Variants in MICOS10 observed in about 807,000 individuals in gnomAD.
MICOS10 encodes the protein MICOS complex subunit MIC10.
A neutral mutation model predicts 13.4 loss-of-function variants in MICOS10; 5 were observed. That is an observed-to-expected ratio of 0.37 (90% CI 0.20 to 0.78). The LOEUF is 0.78. Ranked by LOEUF, MICOS10 falls within the 30% of genes least tolerant of loss-of-function variation. The probability of loss-of-function intolerance (pLI) is 0.47; values close to 1 mark genes in which losing one functional copy is unlikely to be tolerated. For missense variants in MICOS10, 101 were observed against 94.6 expected (o/e 1.07, Z -0.28); for synonymous variants, 35 against 33.6 (o/e 1.04, Z -0.15).
chr1:19,604,380 G>C (rs1268077927), intron 1 of MICOS10, among the ~76,000 whole-genome samples: 1 of 152,084 alleles, frequency 6.6e-6, no homozygotes, highest in Non-Finnish European at 1.5e-5. Context: ...GTGGTGGTAC[G>C]CACCTGTAGT....
intron 1 of MICOS10, chr1:19,608,706 C>A: frequency 1.8e-6 from 1 of 568,702 alleles, no homozygotes; most frequent in Non-Finnish European, 3.1e-6. Context: ...AAGCAAGTTT[C>A]AAAGAAAACT....
In MICOS10 at chr1:19,609,398, A is replaced by G. The variant is rs1305094742; in HGVS notation, c.64+12289A>G. Among the ~76,000 whole-genome samples the G allele has an allele frequency of 3.9e-5, 6 of 152,214 alleles. No individual in the cohort carries two copies. In the East Asian group the frequency reaches 9.6e-4, roughly 24 times the overall value. ...GGGACTCTTATACACCGTTCATTGGAATGGGAAATGGTAGAACCACTTTGG... is the reference window on the plus strand; with the variant it reads ...GGGACTCTTATACACCGTTCATTGGGATGGGAAATGGTAGAACCACTTTGG... On this transcript the variant is annotated intron_variant, in intron 1 of 3. Transcript: ENST00000322753.
Position 19,597,041 on chromosome 1 carries a change from G to A in MICOS10, c.-5G>A. 1.9e-6 allele frequency: 3 copies of A among 1,583,312 alleles called. No homozygotes were observed. The highest frequency in any genetic ancestry group is 4.8e-5 in the East Asian group (2 of 41,530). On this transcript the variant is annotated 5_prime_UTR_variant, in exon 1 of 4. Coordinates refer to ENST00000322753, the MANE Select transcript of MICOS10 (RefSeq NM_001032363.4). Reference sequence around the variant, plus strand: ...AGAGGAAAGCTGGAGGCGCGGGTGGGGAACATGTCTGAGTCGGAGCTCGGC... The same window carrying A: ...AGAGGAAAGCTGGAGGCGCGGGTGGAGAACATGTCTGAGTCGGAGCTCGGC...
chr1:19,621,186 G>A (rs1286909676), intron 1 of MICOS10, among the ~76,000 whole-genome samples: 1 of 152,194 alleles, frequency 6.6e-6, no homozygotes, highest in Non-Finnish European at 1.5e-5. Flanking sequence ...AGGAATATCA[G>A]TATCAATGGC....
chr1:19,618,283 TTTA>T lies in MICOS10; in HGVS notation c.65-3799_65-3797del, dbSNP rs142653409. 4.0e-5 allele frequency among the ~76,000 whole-genome samples: 6 copies of T among 150,670 alleles called. 2 individuals carry two copies. The highest frequency in any genetic ancestry group is 3.9e-4 in the East Asian group (2 of 5,170). On this transcript the variant is annotated intron_variant, in intron 1 of 3. Coordinates refer to ENST00000322753, the MANE Select transcript of MICOS10 (RefSeq NM_001032363.4). ...ATCATGCCTGGCTGATTTTTATTTA[TTTA>T]TTATTATTATTATTATTTTGTTTTG...
intron 1 of MICOS10, among the ~76,000 whole-genome samples, chr1:19,605,805 C>A (rs1317035179): frequency 6.6e-6 from 1 of 152,202 alleles, no homozygotes; most frequent in African/African-American, 2.4e-5. Flanking sequence ...CCTCCTGCCT[C>A]AGCCTCCTGA....
intron 1 of MICOS10, 151 bp downstream of exon 1, chr1:19,597,260 C>T (rs974382780): frequency 7.7e-6 from 6 of 774,484 alleles, no homozygotes; most frequent in African/African-American, 1.9e-5. Flanking sequence ...GCCCGGGCCC[C>T]GGCGGGAGGT....
intron 1 of MICOS10, among the ~76,000 whole-genome samples, chr1:19,618,364 A>T (rs1278268073): frequency 6.6e-6 from 1 of 151,524 alleles, no homozygotes; most frequent in Non-Finnish European, 1.5e-5. Context: ...CTGGTTTCAA[A>T]CTCCTAGGCT....
chr1:19,601,133 CT>C, intron 1 of MICOS10: 1 of 611,666 alleles, frequency 1.6e-6, no homozygotes, highest in Non-Finnish European at 2.6e-6. Flanking sequence ...TAAGCCTGTA[CT>C]TTAGGCAGTG....
At chr1:19,607,254 G>A (rs2094838876) in intron 1 of MICOS10, among the ~76,000 whole-genome samples, 1 of 152,230 alleles carries the variant, frequency 6.6e-6, no homozygotes, top group Non-Finnish European at 1.5e-5. Flanking sequence ...GGAACATTGT[G>A]ACCTTCTAGA....
intron 1 of MICOS10, among the ~76,000 whole-genome samples, chr1:19,616,775 T>C (rs2100306271): frequency 6.6e-6 from 1 of 152,240 alleles, no homozygotes; most frequent in East Asian, 1.9e-4. Context: ...GAATTCTACT[T>C]TTTATAGGTT....
Position 19,611,741 on chromosome 1 carries a change from G to A in MICOS10, c.65-10359G>A, listed in dbSNP as rs576164147. 8.6e-5 allele frequency among the ~76,000 whole-genome samples: 13 copies of A among 152,006 alleles called. No homozygotes were observed. In the South Asian group the frequency reaches 1.9e-3, roughly 22 times the overall value. On this transcript the variant is annotated intron_variant, in intron 1 of 3. Transcript: ENST00000322753. Reference sequence around the variant, plus strand: ...AATCCCAGCACTTTGGGAGGCTGAGGCAGGCGGATCACTTGAGGTCAGGAG... The same window carrying A: ...AATCCCAGCACTTTGGGAGGCTGAGACAGGCGGATCACTTGAGGTCAGGAG...
At position 19,626,638 on chromosome 1, in the gene MICOS10, C is replaced by A; in HGVS notation, c.*237C>A. The A allele has an allele frequency of 1.9e-6, 1 of 517,074 alleles. No homozygotes were observed. Among genetic ancestry groups the A allele is most frequent in the Non-Finnish European group, 3.5e-6 (1 of 285,262 alleles). The allele number at this position is 517,074 out of a possible 1,614,324, so 32.0% of individuals were successfully genotyped here. A position where few individuals can be genotyped will look rare whatever the true frequency, so the allele number is the denominator to read the frequency against. On this transcript the variant is annotated 3_prime_UTR_variant, in exon 4 of 4. Transcript: ENST00000322753. ...TTAAACAAAAAGAGGAAGTCCATTG[C>A]ATGGCCTTTGTTTCTTCACCTTTGG...
At chr1:19,600,853 G>C (rs1224676421) in intron 1 of MICOS10, 2 of 1,274,992 alleles carry the variant, frequency 1.6e-6, no homozygotes, top group Non-Finnish European at 1.0e-6. Context: ...CACCTACCTT[G>C]GCCTCCCAAC....
At position 19,626,642 on chromosome 1, in the gene MICOS10, G is replaced by T; in HGVS notation, c.*241G>T. The T allele has an allele frequency of 2.0e-6, 1 of 506,416 alleles. No homozygotes were observed. The highest frequency in any genetic ancestry group is 3.6e-6 in the Non-Finnish European group (1 of 278,616). 31.4% of individuals were successfully genotyped at this position (506,416 alleles called of 1,614,324 possible). A position where few individuals can be genotyped will look rare whatever the true frequency, so the allele number is the denominator to read the frequency against. ...ACAAAAAGAGGAAGTCCATTGCATG[G>T]CCTTTGTTTCTTCACCTTTGGTCTC... On this transcript the variant is annotated 3_prime_UTR_variant, in exon 4 of 4. Transcript: ENST00000322753.
Position 19,627,440 on chromosome 1 carries a change from G to A in MICOS10, c.*1039G>A, listed in dbSNP as rs980250251. On this transcript the variant is annotated 3_prime_UTR_variant, in exon 4 of 4. Transcript: ENST00000322753. ...AATGGATAAATAGACACAGGCTTCTGCCTTCAAGGAGCTTAGAGTCTGATG... is the reference window on the plus strand; with the variant it reads ...AATGGATAAATAGACACAGGCTTCTACCTTCAAGGAGCTTAGAGTCTGATG... 1 of 152,166 alleles carries A rather than the reference G, an allele frequency of 6.6e-6. No homozygotes were observed. The highest frequency in any genetic ancestry group is 2.4e-5 in the African/African-American group (1 of 41,434). 9.4% of individuals were successfully genotyped at this position (152,166 alleles called of 1,614,324 possible).
At chr1:19,617,347 G>A (rs2314330) in intron 1 of MICOS10, 2 of 969,330 alleles carry the variant, frequency 2.1e-6, no homozygotes, top group African/African-American at 1.8e-5. Flanking sequence ...GTAAGGTCTT[G>A]TAAAATAGCC....
chr1:19,621,972 G>A (rs2094905198), intron 1 of MICOS10, 128 bp from the exon 2 acceptor site: 2 of 717,792 alleles, frequency 2.8e-6, no homozygotes, highest in Admixed American at 3.1e-5. Context: ...TTAGAAATTA[G>A]AAAATTAATT....
intron 1 of MICOS10, among the ~76,000 whole-genome samples, chr1:19,598,731 CTCTT>C (rs1558335236): frequency 6.6e-6 from 1 of 151,958 alleles, no homozygotes; most frequent in Non-Finnish European, 1.5e-5. Flanking sequence ...TGGGTAAAGT[CTCTT>C]TCTCAACTAC....
Sources: gnomAD v4.1 joint callset for allele counts (sites outside exome capture counted in the v4.1 genomes callset) on GRCh38, gnomAD v4.1.1 for gene constraint, MANE v1.5 for transcripts, NCBI Gene and HGNC (gene_info 2026-07-23, HGNC 2026-07-21) for gene names.